Variants in THADA observed in about 807,000 individuals in gnomAD.
THADA encodes tRNA (32-2'-O)-methyltransferase regulator THADA.
THADA carries 213 observed loss-of-function variants against 219.8 expected under a neutral mutation model. That is an observed-to-expected ratio of 0.97 (90% confidence interval 0.87 to 1.09). The LOEUF (loss-of-function observed/expected upper bound fraction) is 1.09, where lower values mean the gene tolerates loss of function less well. Ranked by LOEUF, THADA falls within the 50% of genes least tolerant of loss-of-function variation. The pLI is 0.00. For missense variants in THADA, 2,956 were observed against 2,311.3 expected, an observed-to-expected ratio of 1.28 and a Z score of -5.72; for synonymous variants, 1,018 against 828.9, an observed-to-expected ratio of 1.23 and a Z score of -3.92.
At chr2:43,435,781 CAAAAA>C (rs542080356) in intron 26 of THADA, among the ~76,000 whole-genome samples, 3 of 53,814 alleles carry the variant, frequency 5.6e-5, no homozygotes, top group Non-Finnish European at 7.9e-5. Flanking sequence ...AACTTGCCAC[CAAAAA>C]AAAAAAAAAA....
At chr2:43,491,907 G>A (rs1463340459) in intron 25 of THADA, 1 of 152,136 alleles carries the variant, frequency 6.6e-6, no homozygotes, top group Non-Finnish European at 1.5e-5. Flanking sequence ...TAGGAACTTG[G>A]AATTCAACTG....
chr2:43,504,721 C>T (rs1370827206), intron 24 of THADA, among the ~76,000 whole-genome samples: 1 of 152,260 alleles, frequency 6.6e-6, no homozygotes, highest in African/African-American at 2.4e-5. Flanking sequence ...TCTCAAACTC[C>T]TGACCTCAGC....
chr2:43,419,822 A>T (rs990712664), intron 28 of THADA, among the ~76,000 whole-genome samples: 5 of 151,908 alleles, frequency 3.3e-5, no homozygotes, highest in African/African-American at 4.8e-5. Flanking sequence ...CTAAATTTAA[A>T]TTTTTTTTCC....
At chr2:43,456,834 C>T (rs960219505) in intron 26 of THADA, among the ~76,000 whole-genome samples, 7 of 152,080 alleles carry the variant, frequency 4.6e-5, no homozygotes, top group African/African-American at 9.7e-5. Flanking sequence ...GTTCAACACA[C>T]TCAAGATACT....
At chr2:43,552,151 A>T (rs771450415) in intron 18 of THADA, 53 bp downstream of exon 18, 2 of 1,569,346 alleles carry the variant, frequency 1.3e-6, no homozygotes, top group Admixed American at 4.0e-5. Context: ...CAGAGGTTAA[A>T]GCTCAGAAAT....
At chr2:43,475,575 T>C (rs1042456562) in intron 26 of THADA, among the ~76,000 whole-genome samples, 2 of 152,232 alleles carry the variant, frequency 1.3e-5, no homozygotes, top group African/African-American at 4.8e-5. Flanking sequence ...TCTGTTAGCT[T>C]GTTAGAGATT....
intron 21 of THADA, among the ~76,000 whole-genome samples, chr2:43,540,448 A>G (rs1695150524): frequency 6.6e-6 from 1 of 152,224 alleles, no homozygotes; most frequent in Non-Finnish European, 1.5e-5. Flanking sequence ...TTGTTCTTGA[A>G]TTGTAACACC....
At chr2:43,441,513 G>A (rs568924036) in intron 26 of THADA, among the ~76,000 whole-genome samples, 5 of 152,282 alleles carry the variant, frequency 3.3e-5, no homozygotes, top group African/African-American at 9.6e-5. Flanking sequence ...TATTTAAGGG[G>A]CTTATCCAAA....
intron 26 of THADA, among the ~76,000 whole-genome samples, chr2:43,446,547 C>A (rs749797889): frequency 3.0e-4 from 46 of 152,210 alleles, no homozygotes; most frequent in African/African-American, 4.8e-4. Flanking sequence ...TCAGCCCCAG[C>A]TGAGGTCTCA....
chr2:43,591,828 C>A, intron 3 of THADA, 124 bp downstream of exon 3: 1 of 543,556 alleles, frequency 1.8e-6, no homozygotes, highest in African/African-American at 1.9e-5. Flanking sequence ...AAAAAAAATA[C>A]TTATTTGCTA....
chr2:43,298,613 A>T (rs1675877055), intron 31 of THADA, among the ~76,000 whole-genome samples: 1 of 152,062 alleles, frequency 6.6e-6, no homozygotes, highest in African/African-American at 2.4e-5. Context: ...AATTAAAAAA[A>T]AAAAATTGTA....
intron 28 of THADA, among the ~76,000 whole-genome samples, chr2:43,400,319 C>T (rs751628208): frequency 1.3e-5 from 2 of 151,826 alleles, no homozygotes; most frequent in Non-Finnish European, 2.9e-5. Context: ...CAAAACCTCT[C>T]CTCAAAAAAG....
intron 14 of THADA, among the ~76,000 whole-genome samples, chr2:43,567,625 T>C (rs571953422): frequency 2.5e-4 from 38 of 152,142 alleles, no homozygotes; most frequent in African/African-American, 9.2e-4. Context: ...AAACTCCCTC[T>C]GAAAAAAAAC....
intron 30 of THADA, among the ~76,000 whole-genome samples, chr2:43,336,539 T>G (rs568024393): frequency 6.6e-6 from 1 of 152,086 alleles, no homozygotes; most frequent in East Asian, 1.9e-4. Context: ...CCCAAAGTGC[T>G]GGGGTAACAA....
intron 29 of THADA, among the ~76,000 whole-genome samples, chr2:43,362,807 T>G (rs1669682793): frequency 6.6e-6 from 1 of 152,244 alleles, no homozygotes; most frequent in Non-Finnish European, 1.5e-5. Context: ...TGCAAACACC[T>G]GTGCAGCTAT....
chr2:43,439,052 T>C (rs1001113868), intron 26 of THADA, among the ~76,000 whole-genome samples: 1 of 152,194 alleles, frequency 6.6e-6, no homozygotes, highest in Non-Finnish European at 1.5e-5. Flanking sequence ...ACTTATGAAC[T>C]GTCTCTTTCT....
At chr2:43,379,542 T>C (rs934547383) in intron 29 of THADA, among the ~76,000 whole-genome samples, 3 of 152,230 alleles carry the variant, frequency 2.0e-5, no homozygotes, top group African/African-American at 7.2e-5. Flanking sequence ...AACAAGCTGG[T>C]GACTCCAAGT....
At chr2:43,307,734 TTAAAGAA>T (rs150019087) in intron 31 of THADA, among the ~76,000 whole-genome samples, 5,441 of 152,252 alleles carry the variant, frequency 0.036, 317 homozygotes, top group African/African-American at 0.12. Context: ...GTCCAACACT[TTAAAGAA>T]TAAAACAAAA....
At chr2:43,395,748 C>A (rs926077738) in intron 29 of THADA, among the ~76,000 whole-genome samples, 1 of 152,056 alleles carries the variant, frequency 6.6e-6, no homozygotes, top group Non-Finnish European at 1.5e-5. Context: ...AATATTTTCT[C>A]AAGTTTACTT....
Sources: allele counts gnomAD v4.1 joint callset (sites outside exome capture counted in the v4.1 genomes callset), GRCh38; gene constraint gnomAD v4.1.1; transcripts MANE v1.5; gene names NCBI Gene and HGNC (gene_info 2026-07-23, HGNC 2026-07-21).